Variants in ANKHD1 observed in about 807,000 individuals in gnomAD.
The protein encoded by ANKHD1 is ankyrin repeat and KH domain-containing protein 1.
ANKHD1 carries 31 observed loss-of-function variants against 230.5 expected under a neutral mutation model. The ratio of observed to expected loss-of-function variants is 0.13; its 90% CI spans 0.10 to 0.18. The LOEUF (loss-of-function observed/expected upper bound fraction) is 0.18, where lower values mean the gene tolerates loss of function less well. ANKHD1 is among the 10% of genes least tolerant of loss of function. ANKHD1 has a pLI of 1.00. For synonymous variants in ANKHD1, 1,074 were observed against 1,117.6 expected (o/e 0.96, Z 0.78); for missense variants, 2,256 against 3,071.3 (o/e 0.73, Z 6.27).
rs776885509 is a variant in ANKHD1, at chr5:140,401,904, C to T, written c.-64C>T. The T allele has an allele frequency of 3.3e-6, 5 of 1,508,574 alleles. No homozygotes were observed. Among genetic ancestry groups the T allele is most frequent in the Non-Finnish European group, 3.5e-6 (4 of 1,136,988 alleles). The allele number at this position is 1,508,574 out of a possible 1,614,324, so 93.4% of individuals were successfully genotyped here. A position where few individuals can be genotyped will look rare whatever the true frequency, so the allele number is the denominator to read the frequency against. On this transcript the variant is annotated 5_prime_UTR_variant, in exon 1 of 34. Transcript: ENST00000360839. Reference sequence around the variant, plus strand: ...CTTCCTCTTGCTGCTCTTCTCGTTCCCGAGATCAGCGGCGGCGGTGACCGC... The same window carrying T: ...CTTCCTCTTGCTGCTCTTCTCGTTCTCGAGATCAGCGGCGGCGGTGACCGC...
At chr5:140,413,906 G>A (rs1483744353) in intron 1 of ANKHD1, among the ~76,000 whole-genome samples, 1 of 151,990 alleles carries the variant, frequency 6.6e-6, no homozygotes, top group Non-Finnish European at 1.5e-5. Flanking sequence ...TCAGCCTCCC[G>A]AGTAGCTGAG....
rs1156329346 is a variant in ANKHD1 at position 140,427,277 on chromosome 5, A to AC, written c.307-8820dup. On this transcript the variant is annotated intron_variant, in intron 1 of 33. Coordinates refer to ENST00000360839, the MANE Select transcript of ANKHD1 (RefSeq NM_017747.3). ...GGGTGGCTGGCCGGGCGGGGGGCTGACCCCCCCACCTCCCTCCCGGACGGG... is the reference window on the plus strand; with the variant it reads ...GGGTGGCTGGCCGGGCGGGGGGCTGACCCCCCCCACCTCCCTCCCGGACGGG... 1.1e-3 allele frequency among the ~76,000 whole-genome samples: 120 copies of AC among 108,132 alleles called. 1 individual carries two copies. The highest frequency in any genetic ancestry group is 2.9e-3 in the African/African-American group (82 of 27,952). The allele number at this position is 108,132 out of a possible 152,430, so 70.9% of individuals were successfully genotyped here.
chr5:140,527,941 C>G lies in ANKHD1; in HGVS notation c.5156C>G (p.Thr1719Ser). 6.2e-7 allele frequency: 1 copy of G among 1,613,926 alleles called. No individual in the cohort carries two copies. Among genetic ancestry groups the G allele is most frequent in the Middle Eastern group, 1.7e-4 (1 of 6,060 alleles). ...ATGGGAAGAGGAGGATGCAACATCA[C>G]TGCAATACAGGATGTTACTGGTGCC... ...RIMGRGGCNITAIQDVTGAHI... is the reference protein window; with the variant it reads ...RIMGRGGCNISAIQDVTGAHI... The change falls in exon 28 of 34, where the codon ACT becomes AGT. Residue 1719 changes from threonine (T) to serine (S), a missense_variant. Physicochemically the swap from Thr to Ser is moderately conservative, Grantham distance 58. Transcript: ENST00000360839. This position sits in a 1 kb window ranked among gnomAD's most constrained non-coding sequence, Gnocchi z 4.5.
At chr5:140,436,853 C>T (rs1773486806) in intron 2 of ANKHD1, among the ~76,000 whole-genome samples, 1 of 151,862 alleles carries the variant, frequency 6.6e-6, no homozygotes, top group Non-Finnish European at 1.5e-5. Context: ...TTTATGACTT[C>T]TTTATCTGTA....
intron 10 of ANKHD1, among the ~76,000 whole-genome samples, chr5:140,478,072 A>G (rs2127006969): frequency 6.6e-6 from 1 of 152,330 alleles, no homozygotes; most frequent in African/African-American, 2.4e-5. Context: ...CATATTAAAG[A>G]TGAAAATAAA....
At chr5:140,525,641 G>A (rs951321088) in intron 25 of ANKHD1, among the ~76,000 whole-genome samples, 4 of 152,218 alleles carry the variant, frequency 2.6e-5, no homozygotes, top group Middle Eastern at 3.4e-3. Context: ...AGGCCGAGGC[G>A]GGTGGATCTT....
chr5:140,402,276 A>G lies in ANKHD1; in HGVS notation c.306+3A>G, dbSNP rs373301863. 1.3e-6 allele frequency: 2 copies of G among 1,481,560 alleles called. No homozygotes were observed. The highest frequency in any genetic ancestry group is 2.9e-5 in the African/African-American group (2 of 68,430). 91.8% of individuals were successfully genotyped at this position (1,481,560 alleles called of 1,614,324 possible). ...GTGACGAGGACGAAGTGTCCGAGGT[A>G]AGGCTCCGGGACCCTCGCCTCCCAC... On this transcript the variant is annotated splice_donor_region_variant and intron_variant, in intron 1 of 33. Coordinates refer to ENST00000360839, the MANE Select transcript of ANKHD1 (RefSeq NM_017747.3).
intron 1 of ANKHD1, among the ~76,000 whole-genome samples, chr5:140,414,837 C>CAAA (rs35534779): frequency 5.8e-5 from 8 of 138,824 alleles, no homozygotes; most frequent in African/African-American, 1.6e-4. Context: ...GACCCTGTCT[C>CAAA]AAAAAAAAAA....
chr5:140,489,890 A>C (rs1454822511), intron 14 of ANKHD1, among the ~76,000 whole-genome samples: 1 of 152,218 alleles, frequency 6.6e-6, no homozygotes, highest in Admixed American at 6.5e-5. Context: ...GCGATAGTGC[A>C]TTGTGTTAAA....
In ANKHD1 at chr5:140,459,285, C is replaced by T; in HGVS notation, c.1602C>T (p.Gly534=). The T allele has an allele frequency of 1.2e-6, 2 of 1,601,450 alleles. No individual in the cohort carries two copies. Among genetic ancestry groups the T allele is most frequent in the South Asian group, 2.2e-5 (2 of 89,836 alleles). ...LIKAGADIEL[G]CSTPLMEASQ... Reference sequence around the variant, plus strand: ...AGGCAGGGGCTGATATAGAACTTGGCTGCTCCACACCTCTGATGGAGGCAT... The same window carrying T: ...AGGCAGGGGCTGATATAGAACTTGGTTGCTCCACACCTCTGATGGAGGCAT... The change falls in exon 9 of 34, where the codon GGC becomes GGT. Residue 534 remains glycine, a synonymous_variant. Transcript: ENST00000360839.
intron 30 of ANKHD1, among the ~76,000 whole-genome samples, chr5:140,536,630 T>C (rs1419899932): frequency 2.0e-5 from 3 of 152,100 alleles, no homozygotes; most frequent in Non-Finnish European, 4.4e-5. Flanking sequence ...AAAAGGGCTG[T>C]AGAAAGGGAA....
chr5:140,529,939 C>T, intron 29 of ANKHD1, 143 bp downstream of exon 29: 1 of 1,311,462 alleles, frequency 7.6e-7, no homozygotes, highest in Non-Finnish European at 1.0e-6. Context: ...TTCTGTCCCT[C>T]ATAGTAAGGA....
intron 7 of ANKHD1, 22 bp from the exon 8 acceptor site, chr5:140,458,603 C>A (rs745570630): frequency 6.4e-7 from 1 of 1,573,492 alleles, no homozygotes; most frequent in South Asian, 1.2e-5. Context: ...CTCCTTCTTT[C>A]TTTACTTCTG....
chr5:140,402,425 A>T, intron 1 of ANKHD1, 152 bp downstream of exon 1: 1 of 1,130,060 alleles, frequency 8.8e-7, no homozygotes, highest in South Asian at 1.8e-5. Context: ...GTGAGGGCCT[A>T]GTGAGCCCTC....
intron 10 of ANKHD1, chr5:140,472,403 T>C: frequency 6.7e-7 from 1 of 1,492,054 alleles, no homozygotes; most frequent in Non-Finnish European, 8.9e-7. Context: ...AGGACCCTGC[T>C]GGGTGACAAA....
chr5:140,475,904 TAAAC>T (rs1377016710), intron 10 of ANKHD1, among the ~76,000 whole-genome samples: 1 of 152,140 alleles, frequency 6.6e-6, no homozygotes, highest in African/African-American at 2.4e-5. Context: ...AGTCAAAATG[TAAAC>T]AAACAAAAAG....
rs1203172488 is a variant in ANKHD1 at position 140,440,986 on chromosome 5, G to C, written c.766-9G>C. Reference sequence around the variant, plus strand: ...TAACAATTTCTCTGTCTGTATATGTGTTTTAAAGGTATTGCTTGCTATGCA... The same window carrying C: ...TAACAATTTCTCTGTCTGTATATGTCTTTTAAAGGTATTGCTTGCTATGCA... On this transcript the variant is annotated splice_polypyrimidine_tract_variant and intron_variant, in intron 4 of 33. Coordinates refer to ENST00000360839, the MANE Select transcript of ANKHD1 (RefSeq NM_017747.3). 6.3e-7 allele frequency: 1 copy of C among 1,592,648 alleles called. No individual in the cohort carries two copies. Among genetic ancestry groups the C allele is most frequent in the Admixed American group, 1.8e-5 (1 of 55,146 alleles).
In ANKHD1 at chr5:140,496,619, C is replaced by A. The variant is rs750002939; in HGVS notation, c.2345C>A (p.Thr782Asn). Residue 782 changes from threonine to asparagine, a missense_variant, in exon 15 of 34, where the codon ACT (threonine) becomes AAT (asparagine). Thr to Asn is a moderately conservative substitution (Grantham distance 65). Around this residue, in one of 13 missense-constraint regions of ANKHD1, gnomAD observed 358 missense variants for 397.7 expected, o/e 0.90. Transcript: ENST00000360839. ...CCTTTGGAGTGCATAGTAGAGGAGACTGAAGGCAAGCTGAATGAACTGGGA... is the reference window on the plus strand; with the variant it reads ...CCTTTGGAGTGCATAGTAGAGGAGAATGAAGGCAAGCTGAATGAACTGGGA... ...YQPLECIVEE[T>N]EGKLNELGQR... is the part of the protein sequence containing the mutation. The A allele has an allele frequency of 1.2e-6, 2 of 1,613,660 alleles. No homozygotes were observed. Among genetic ancestry groups the A allele is most frequent in the Non-Finnish European group, 1.7e-6 (2 of 1,179,962 alleles).
At chr5:140,406,954 T>C (rs1056093859) in intron 1 of ANKHD1, among the ~76,000 whole-genome samples, 18 of 152,202 alleles carry the variant, frequency 1.2e-4, no homozygotes, top group Admixed American at 5.2e-4. Flanking sequence ...TGAATCCTAT[T>C]AAGAAATGTA....
Sources: allele counts gnomAD v4.1 joint callset (sites outside exome capture counted in the v4.1 genomes callset), GRCh38; gene constraint gnomAD v4.1.1; regional missense constraint gnomAD v4.1.1; non-coding constraint Gnocchi (gnomAD v3.1); transcripts MANE v1.5; gene names NCBI Gene and HGNC (gene_info 2026-07-23, HGNC 2026-07-21).